Variants in CLTCL1 observed in about 807,000 individuals in gnomAD.
CLTCL1 encodes clathrin heavy chain 2.
Under a neutral mutation model 190.0 loss-of-function variants are expected in CLTCL1, and 159 were observed. The ratio of observed to expected loss-of-function variants is 0.84; its 90% CI spans 0.74 to 0.95. CLTCL1 has a LOEUF of 0.95. Ranked by LOEUF, CLTCL1 falls within the 40% of genes least tolerant of loss-of-function variation. CLTCL1 has a pLI of 0.00. For missense variants in CLTCL1, 1,878 were observed against 2,033.4 expected (o/e 0.92, Z 1.47); for synonymous variants, 752 against 769.6 (o/e 0.98, Z 0.38).
At chr22:19,265,004 G>T (rs2518852) in intron 2 of CLTCL1, among the ~76,000 whole-genome samples, 9,399 of 152,104 alleles carry the variant, frequency 0.062, 351 homozygotes, top group Middle Eastern at 0.16. Context: ...GGCCAGGCTG[G>T]TCTCAAACTC....
Position 19,187,498 on chromosome 22 carries a change from A to G in CLTCL1, c.4605+60T>C, listed in dbSNP as rs147730809. On this transcript the variant is annotated intron_variant, in intron 29 of 32. Coordinates refer to ENST00000427926, the MANE Select transcript of CLTCL1 (RefSeq NM_007098.4). ...CAAGAGGGAAGGGATGTGACCCCCA[A>G]AGCCATCAGGAAACACACCAAGGCA... The G allele has an allele frequency of 1.6e-4, 245 of 1,558,154 alleles. No individual in the cohort carries two copies. The African/African-American group carries it at 3.1e-3, about 20-fold the overall frequency.
chr22:19,240,012 G>C (rs549039299), intron 4 of CLTCL1, among the ~76,000 whole-genome samples: 3 of 149,814 alleles, frequency 2.0e-5, no homozygotes, highest in East Asian at 2.0e-4. Flanking sequence ...GCAGTGGCGC[G>C]ATCTCAGCTC....
chr22:19,185,764 G>A (rs934961366), intron 29 of CLTCL1, among the ~76,000 whole-genome samples: 2 of 152,236 alleles, frequency 1.3e-5, no homozygotes, highest in South Asian at 2.1e-4. Flanking sequence ...CTGCCTGAGT[G>A]TTGAGGAGGC....
chr22:19,234,865 C>T (rs1360683294), intron 6 of CLTCL1, among the ~76,000 whole-genome samples, 159 bp from the exon 7 acceptor site: 1 of 152,152 alleles, frequency 6.6e-6, no homozygotes, highest in African/African-American at 2.4e-5. Context: ...GGCAAAGCAG[C>T]CGAAAGCCAA....
intron 19 of CLTCL1, among the ~76,000 whole-genome samples, chr22:19,212,928 GT>G (rs1362164819): frequency 6.6e-6 from 1 of 152,152 alleles, no homozygotes; most frequent in Non-Finnish European, 1.5e-5. Flanking sequence ...TATTAACAGA[GT>G]TCTTGTTTTA....
Position 19,225,513 on chromosome 22 carries a change from G to A in CLTCL1, c.2068C>T (p.His690Tyr), listed in dbSNP as rs1250339723. 30 of 1,586,586 alleles carry A rather than the reference G, an allele frequency of 1.9e-5. No individual in the cohort carries two copies. Among genetic ancestry groups the A allele is most frequent in the Non-Finnish European group, 2.6e-5 (30 of 1,165,918 alleles). The change falls in exon 13 of 33, where the codon CAC becomes TAC. Residue 690 changes from histidine (H) to tyrosine (Y), a missense_variant. Physicochemically the swap from His to Tyr is moderately conservative, Grantham distance 83. Coordinates refer to ENST00000427926, the MANE Select transcript of CLTCL1 (RefSeq NM_007098.4). ...QLCVQVASKYHEQLGTQALVE... is the reference protein window; with the variant it reads ...QLCVQVASKYYEQLGTQALVE... Reference sequence around the variant, plus strand: ...AGGGCCTGCGTGCCCAGCTGCTCGTGGTACTTAGAGGCCACCTGCACACAC... The same window carrying A: ...AGGGCCTGCGTGCCCAGCTGCTCGTAGTACTTAGAGGCCACCTGCACACAC...
intron 19 of CLTCL1, among the ~76,000 whole-genome samples, chr22:19,214,735 T>C (rs1239005661): frequency 1.3e-5 from 2 of 150,684 alleles, no homozygotes; most frequent in South Asian, 2.1e-4. Context: ...GGCTAGAGTA[T>C]AGTGGTGCCA....
intron 3 of CLTCL1, 130 bp downstream of exon 3, chr22:19,253,829 G>C (rs2086670107): frequency 1.8e-6 from 2 of 1,111,428 alleles, no homozygotes. Flanking sequence ...GCCTCCCAAA[G>C]TGCTGGGATT....
intron 2 of CLTCL1, among the ~76,000 whole-genome samples, chr22:19,263,545 C>T (rs2087022242): frequency 1.3e-5 from 2 of 152,112 alleles, no homozygotes; most frequent in African/African-American, 4.8e-5. Context: ...TCTTGACAGG[C>T]TGGGACTACA....
chr22:19,222,778 A>T lies in CLTCL1; in HGVS notation c.2324T>A (p.Ile775Asn). Residue 775 changes from isoleucine to asparagine, a missense_variant, in exon 15 of 33, where the codon ATC becomes AAC. Ile to Asn is a moderately radical substitution (Grantham distance 149, BLOSUM62 -3). Transcript: ENST00000427926. Reference sequence around the variant, plus strand: ...AAAGCCAAAACGATCACACACGATGATGAGGGGAAGCTGGTCTGTGAGCTT... The same window carrying T: ...AAAGCCAAAACGATCACACACGATGTTGAGGGGAAGCTGGTCTGTGAGCTT... ...EAKLTDQLPL[I>N]IVCDRFGFVH... is the part of the protein sequence containing the mutation. The T allele has an allele frequency of 6.2e-7, 1 of 1,600,728 alleles. No homozygotes were observed. The highest frequency in any genetic ancestry group is 8.5e-7 in the Non-Finnish European group (1 of 1,173,676).
chr22:19,251,929 C>A (rs149003602), intron 3 of CLTCL1, among the ~76,000 whole-genome samples: 1 of 152,128 alleles, frequency 6.6e-6, no homozygotes, highest in African/African-American at 2.4e-5. Context: ...GTTGTAGATG[C>A]CCTTTATCAG....
chr22:19,193,063 C>T (rs762522), intron 26 of CLTCL1, among the ~76,000 whole-genome samples: 103,871 of 152,080 alleles, frequency 0.68, 36,976 homozygotes, highest in African/African-American at 0.87. Flanking sequence ...CCTCAAAGCC[C>T]CACCTGCTTC....
chr22:19,204,395 C>T (rs2084988740), intron 22 of CLTCL1, among the ~76,000 whole-genome samples: 1 of 152,222 alleles, frequency 6.6e-6, no homozygotes, highest in East Asian at 1.9e-4. Flanking sequence ...CAGAGGTGTA[C>T]AGACTCAGCA....
intron 22 of CLTCL1, chr22:19,207,440 C>T (rs1555943366): frequency 7.5e-6 from 3 of 397,642 alleles, no homozygotes; most frequent in South Asian, 1.4e-4. Context: ...GAGAATTATT[C>T]TGATGTGTAT....
chr22:19,279,894 G>A (rs782206852), intron 1 of CLTCL1, among the ~76,000 whole-genome samples: 2 of 152,234 alleles, frequency 1.3e-5, no homozygotes, highest in Non-Finnish European at 2.9e-5. Flanking sequence ...AAAAGCATGA[G>A]GTGAGCTTGT....
At position 19,223,969 on chromosome 22, in the gene CLTCL1, T is replaced by C. The variant is rs781961939; in HGVS notation, c.2214A>G (p.Thr738=). The change falls in exon 14 of 33, where the codon ACA becomes ACG. Residue 738 remains threonine (T), a synonymous_variant. Transcript: ENST00000427926. ...HLKYIQAACK[T]GQIKEVERIC... ...TCCTCTCCACCTCCTTGATCTGCCC[T>C]GTCTTACAGGCAGCCTGAATGTATT... The C allele has an allele frequency of 1.2e-6, 2 of 1,613,992 alleles. No homozygotes were observed. Among genetic ancestry groups the C allele is most frequent in the Non-Finnish European group, 1.7e-6 (2 of 1,179,870 alleles).
intron 2 of CLTCL1, among the ~76,000 whole-genome samples, chr22:19,260,713 AG>A (rs2086913607): frequency 7.7e-6 from 1 of 129,570 alleles, no homozygotes; most frequent in Admixed American, 9.4e-5. Context: ...CGGGAGGTGG[AG>A]GTTGCGGTGA....
In CLTCL1 at chr22:19,192,144, C is replaced by T. The variant is rs151296783; in HGVS notation, c.4192-709G>A. ...GCAGTGGTGCGATCTCTGCTCACTGCAAGCTCTGCCTCCTGGGTTCATGCC... is the reference window on the plus strand; with the variant it reads ...GCAGTGGTGCGATCTCTGCTCACTGTAAGCTCTGCCTCCTGGGTTCATGCC... On this transcript the variant is annotated intron_variant, in intron 26 of 32. Transcript: ENST00000427926. Among the ~76,000 whole-genome samples the T allele has an allele frequency of 4.2e-3, 631 of 149,112 alleles. 9 individuals are homozygous for T. Among genetic ancestry groups the T allele is most frequent in the African/African-American group, 0.015 (600 of 40,528 alleles).
intron 18 of CLTCL1, among the ~76,000 whole-genome samples, chr22:19,219,507 G>A (rs2085499809): frequency 7.6e-6 from 1 of 130,896 alleles, no homozygotes; most frequent in African/African-American, 2.9e-5. Flanking sequence ...TTTTTGAGAT[G>A]GAGTCTCTGT....
Sources: gnomAD v4.1 joint callset for allele counts (sites outside exome capture counted in the v4.1 genomes callset) on GRCh38, gnomAD v4.1.1 for gene constraint, MANE v1.5 for transcripts, NCBI Gene and HGNC (gene_info 2026-07-23, HGNC 2026-07-21) for gene names.